Variants in GPRC5D observed in about 807,000 individuals in gnomAD.
GPRC5D encodes G protein-coupled receptor family C group 5 member D.
In GPRC5D, 20 loss-of-function variants were observed where a neutral mutation model predicts 29.3. The ratio of observed to expected loss-of-function variants is 0.68; its 90% CI spans 0.48 to 0.99. The LOEUF (loss-of-function observed/expected upper bound fraction) is 0.99, where lower values mean the gene tolerates loss of function less well. GPRC5D is among the 50% of genes least tolerant of loss of function. GPRC5D has a pLI of 0.00. For synonymous variants in GPRC5D, 178 were observed against 171.3 expected, an observed-to-expected ratio of 1.04 and a Z score of -0.30; for missense variants, 384 against 423.6, an observed-to-expected ratio of 0.91 and a Z score of 0.82.
At position 12,944,833 on chromosome 12, in the gene GPRC5D, C is replaced by T. The variant is rs1219907224; in HGVS notation, c.896-2505G>A. ...TCCTTCCTTCCTTCCTTCCTTCCTT[C>T]CTTCCTTCCTTCCTTCCTTCTTTCT... On this transcript the variant is annotated intron_variant, in intron 1 of 2. Coordinates refer to ENST00000228887, the Ensembl canonical transcript of GPRC5D. Among the ~76,000 whole-genome samples the T allele has an allele frequency of 7.9e-3, 113 of 14,330 alleles. 6 individuals are homozygous for T. The highest frequency in any genetic ancestry group is 0.013 in the African/African-American group (100 of 7,566). 9.4% of individuals were successfully genotyped at this position (14,330 alleles called of 152,430 possible).
chr12:12,942,726 C>CTAAA lies in GPRC5D; in HGVS notation c.896-402_896-399dup, dbSNP rs368014971. Among the ~76,000 whole-genome samples, 899 of 152,088 alleles carry CTAAA rather than the reference C, an allele frequency of 5.9e-3. 9 individuals are homozygous for CTAAA. Among genetic ancestry groups the CTAAA allele is most frequent in the African/African-American group, 0.019 (776 of 41,500 alleles). On this transcript the variant is annotated intron_variant, in intron 1 of 2. Coordinates refer to ENST00000228887, the Ensembl canonical transcript of GPRC5D. Reference sequence around the variant, plus strand: ...TTCCAGCCTGGGTGACACAGCGAGACTAAATAAATAAATAAATAAGAGGAA... The same window carrying CTAAA: ...TTCCAGCCTGGGTGACACAGCGAGACTAAATAAATAAATAAATAAATAAGAGGAA...
At chr12:12,943,008 C>G (rs900781021) in intron 1 of GPRC5D, among the ~76,000 whole-genome samples, 5 of 152,072 alleles carry the variant, frequency 3.3e-5, no homozygotes, top group African/African-American at 1.2e-4. Flanking sequence ...AAAATTTTGC[C>G]CAGGTTGATC....
chr12:12,941,826 G>A (rs1863154654), intron 2 of GPRC5D, among the ~76,000 whole-genome samples: 1 of 152,214 alleles, frequency 6.6e-6, no homozygotes, highest in Admixed American at 6.5e-5. Flanking sequence ...GGCTGCTGGA[G>A]CTAGACAGTG....
Position 12,942,423 on chromosome 12 carries a change from A to G in GPRC5D, c.896-95T>C, listed in dbSNP as rs1468635080. 4 of 792,974 alleles carry G rather than the reference A, an allele frequency of 5.0e-6. No individual in the cohort carries two copies. In the Admixed American group the frequency reaches 7.7e-5, roughly 15 times the overall value. The allele number at this position is 792,974 out of a possible 1,614,324, so 49.1% of individuals were successfully genotyped here. On this transcript the variant is annotated intron_variant, in intron 1 of 2. Transcript: ENST00000228887. Reference sequence around the variant, plus strand: ...CAGGAAAACTCCATGGCTTGCAAACAGGCTCTTCACTCTTTAAAAGGAATT... The same window carrying G: ...CAGGAAAACTCCATGGCTTGCAAACGGGCTCTTCACTCTTTAAAAGGAATT...
rs1555109993 is a variant in GPRC5D at position 12,946,440 on chromosome 12, C to CTT, written c.895+3049_895+3050insAA. Among the ~76,000 whole-genome samples, 3 of 10,348 alleles carry CTT rather than the reference C, an allele frequency of 2.9e-4. No homozygotes were observed. The Non-Finnish European group carries it at 4.7e-3, about 16-fold the overall frequency. The allele number at this position is 10,348 out of a possible 152,430, so 6.8% of individuals were successfully genotyped here. ...TCTCTCTCTCTCTTTCTCTCTTTCT[C>CTT]TCTCTCTCTCTCTCTTTCTCTCTTT... On this transcript the variant is annotated intron_variant, in intron 1 of 2. Transcript: ENST00000228887.
intron 1 of GPRC5D, among the ~76,000 whole-genome samples, chr12:12,944,824 TCCTTCCTTCC>T (rs1565477128): frequency 0.012 from 217 of 18,270 alleles, 27 homozygotes; most frequent in East Asian, 0.024. Context: ...CTTCCTTCCT[TCCTTCCTTCC>T]TTCCTTCCTT....
At position 12,942,245 on chromosome 12, in the gene GPRC5D, A is replaced by G. The variant is rs745554764; in HGVS notation, c.963+16T>C. On this transcript the variant is annotated intron_variant, in intron 2 of 2. Coordinates refer to ENST00000228887, the Ensembl canonical transcript of GPRC5D. ...TGCTAAGTCCCTCCTGGGTGAATATAGGCGAGTACATTTACCTGCGGCTGA... is the reference window on the plus strand; with the variant it reads ...TGCTAAGTCCCTCCTGGGTGAATATGGGCGAGTACATTTACCTGCGGCTGA... The G allele has an allele frequency of 3.9e-6, 6 of 1,543,012 alleles. No homozygotes were observed. In the Admixed American group the frequency reaches 6.7e-5, roughly 17 times the overall value.
chr12:12,950,307 C>G (rs1222253272), exon 1 of GPRC5D: 2 of 1,612,882 alleles, frequency 1.2e-6, no homozygotes, highest in South Asian at 1.1e-5. Flanking sequence ...CCAGGGACTC[C>G]AGAATGATGC....
chr12:12,946,094 T>C (rs1415188813), intron 1 of GPRC5D, among the ~76,000 whole-genome samples: 1 of 152,216 alleles, frequency 6.6e-6, no homozygotes, highest in Non-Finnish European at 1.5e-5. Flanking sequence ...AAATTCTTAA[T>C]CCCCTTTGCT....
chr12:12,943,563 G>T (rs1863205077), intron 1 of GPRC5D, among the ~76,000 whole-genome samples: 1 of 152,156 alleles, frequency 6.6e-6, no homozygotes, highest in South Asian at 2.1e-4. Flanking sequence ...GATTATTGGT[G>T]GTGGTGCTGG....
exon 1 of GPRC5D, chr12:12,949,668 G>C: frequency 6.2e-7 from 1 of 1,614,164 alleles, no homozygotes; most frequent in Non-Finnish European, 8.5e-7. Context: ...AGACGACCGG[G>C]TCGTCCCACT....
Position 12,949,484 on chromosome 12 carries a change from A to T in GPRC5D, c.895+6T>A. ...TCCCTGCTCCCTGAATCCCCCAGGA[A>T]TGTACCTCTGGAGAGCTCCTGGTTC... On this transcript the variant is annotated splice_donor_region_variant and intron_variant, in intron 1 of 2. Coordinates refer to ENST00000228887, the Ensembl canonical transcript of GPRC5D. The T allele has an allele frequency of 6.2e-7, 1 of 1,607,308 alleles. No individual in the cohort carries two copies. Among genetic ancestry groups the T allele is most frequent in the Non-Finnish European group, 8.5e-7 (1 of 1,175,490 alleles).
chr12:12,941,266 A>G (rs1275239343), intron 2 of GPRC5D, among the ~76,000 whole-genome samples: 1 of 152,178 alleles, frequency 6.6e-6, no homozygotes, highest in Non-Finnish European at 1.5e-5. Flanking sequence ...TTTGTCAATA[A>G]CAAAAGAAGA....
At chr12:12,944,853 C>CTT (rs1334142336) in intron 1 of GPRC5D, among the ~76,000 whole-genome samples, 7 of 67,154 alleles carry the variant, frequency 1.0e-4, no homozygotes, top group Non-Finnish European at 1.4e-4. Flanking sequence ...TTCCTTCCTT[C>CTT]TTTCTTTCTT....
intron 1 of GPRC5D, among the ~76,000 whole-genome samples, chr12:12,945,858 T>G (rs1213306305): frequency 6.6e-6 from 1 of 152,240 alleles, no homozygotes; most frequent in Admixed American, 6.5e-5. Context: ...AGATTTTGAT[T>G]GAGGCCAACT....
At chr12:12,949,541 C>T (rs141419533) in exon 1 of GPRC5D, 64 of 1,614,112 alleles carry the variant, frequency 4.0e-5, no homozygotes, top group East Asian at 6.7e-5. Flanking sequence ...TAGGCTGTGA[C>T]GGGGCAGGCA....
chr12:12,945,623 T>TA (rs966356962), intron 1 of GPRC5D, among the ~76,000 whole-genome samples: 3 of 152,224 alleles, frequency 2.0e-5, no homozygotes, highest in African/African-American at 7.2e-5. Flanking sequence ...ATGAATATGT[T>TA]AAAAAATAAC....
intron 1 of GPRC5D, among the ~76,000 whole-genome samples, chr12:12,944,733 A>G: frequency 6.7e-6 from 1 of 148,844 alleles, no homozygotes. Flanking sequence ...CAGTACTGTG[A>G]CACCTTTCTT....
intron 1 of GPRC5D, among the ~76,000 whole-genome samples, chr12:12,946,361 CTTTCT>C (rs1189444568): frequency 5.6e-5 from 8 of 143,410 alleles, no homozygotes; most frequent in African/African-American, 1.1e-4. Context: ...TTCTTTCTTT[CTTTCT>C]TTTCTTTCTT....
Sources: gnomAD v4.1 joint callset for allele counts (sites outside exome capture counted in the v4.1 genomes callset) on GRCh38, gnomAD v4.1.1 for gene constraint, MANE v1.5 for transcripts, NCBI Gene and HGNC (gene_info 2026-07-23, HGNC 2026-07-21) for gene names.